Variants in DAB1 observed in about 807,000 individuals in gnomAD.
DAB1 encodes disabled homolog 1.
DAB1 carries 15 observed loss-of-function variants against 64.6 expected under a neutral mutation model. That is an observed-to-expected ratio of 0.23 (90% CI 0.16 to 0.36). DAB1 has a LOEUF of 0.36. Ranked by LOEUF, DAB1 falls within the 10% of genes least tolerant of loss-of-function variation. The probability of loss-of-function intolerance (pLI) is 1.00; values close to 1 mark genes in which losing one functional copy is unlikely to be tolerated. For missense variants in DAB1, 596 were observed against 706.7 expected, an observed-to-expected ratio of 0.84 and a Z score of 1.78; for synonymous variants, 235 against 251.9, an observed-to-expected ratio of 0.93 and a Z score of 0.64.
At chr1:57,899,811 G>A (rs145829165) in intron 5 of DAB1, among the ~76,000 whole-genome samples, 319 of 152,152 alleles carry the variant, frequency 2.1e-3, no homozygotes, top group Non-Finnish European at 4.0e-3. Context: ...CTAGAGGTAC[G>A]TTTACCTCGG....
chr1:58,099,888 G>T (rs2806408), intron 5 of DAB1, among the ~76,000 whole-genome samples: 1,894 of 152,268 alleles, frequency 0.012, 34 homozygotes, highest in African/African-American at 0.043. Flanking sequence ...TTATCATGCT[G>T]CTCTTGCATG....
intron 5 of DAB1, among the ~76,000 whole-genome samples, chr1:57,938,279 G>A (rs1374817639): frequency 1.3e-5 from 2 of 152,200 alleles, no homozygotes; most frequent in South Asian, 2.1e-4. Flanking sequence ...GTGAAATGCA[G>A]TTGCTACTAG....
intron 6 of DAB1, among the ~76,000 whole-genome samples, chr1:57,772,125 A>G (rs758161804): frequency 1.3e-5 from 2 of 152,072 alleles, no homozygotes; most frequent in Non-Finnish European, 2.9e-5. Flanking sequence ...CTTATGATGG[A>G]TTAATGCTAT....
intron 6 of DAB1, among the ~76,000 whole-genome samples, chr1:57,777,838 C>T (rs1649885373): frequency 6.6e-6 from 1 of 152,004 alleles, no homozygotes; most frequent in Non-Finnish European, 1.5e-5. Flanking sequence ...TTTTGTGGGA[C>T]AGGATGTTGA....
chr1:57,689,817 T>C (rs772614179), intron 6 of DAB1, among the ~76,000 whole-genome samples: 4 of 152,190 alleles, frequency 2.6e-5, no homozygotes, highest in African/African-American at 7.2e-5. Flanking sequence ...TTATTGACTA[T>C]AGTCCCCCTG....
intron 1 of DAB1, among the ~76,000 whole-genome samples, chr1:57,415,246 AACACACACAC>A (rs111517848): frequency 1.3e-4 from 18 of 143,328 alleles, no homozygotes; most frequent in African/African-American, 3.3e-4. Context: ...TACCTCACAC[AACACACACAC>A]ACACACACAC....
intron 2 of DAB1, among the ~76,000 whole-genome samples, chr1:57,226,675 ATATATAT>A (rs1557978347): frequency 2.1e-4 from 26 of 125,794 alleles, no homozygotes; most frequent in African/African-American, 8.1e-4. Context: ...AAAAAAAAAT[ATATATAT>A]ATATATATAT....
intron 5 of DAB1, among the ~76,000 whole-genome samples, chr1:57,996,459 A>C (rs891279158): frequency 2.6e-5 from 4 of 152,146 alleles, no homozygotes; most frequent in Non-Finnish European, 5.9e-5. Flanking sequence ...GAGGATCCCA[A>C]ATTTTGGAAA....
chr1:57,220,338 T>C (rs1384872556), intron 2 of DAB1, among the ~76,000 whole-genome samples: 1 of 152,200 alleles, frequency 6.6e-6, no homozygotes, highest in Non-Finnish European at 1.5e-5. Context: ...CGTTTCATCA[T>C]GCAATGTAAA....
At chr1:57,752,826 G>T (rs188444812) in intron 6 of DAB1, among the ~76,000 whole-genome samples, 1 of 152,322 alleles carries the variant, frequency 6.6e-6, no homozygotes, top group Non-Finnish European at 1.5e-5. Context: ...GTTAAATAAA[G>T]TCATCAATGC....
intron 3 of DAB1, among the ~76,000 whole-genome samples, chr1:58,405,479 T>C (rs1362596720): frequency 2.0e-5 from 3 of 152,074 alleles, no homozygotes; most frequent in African/African-American, 7.2e-5. Flanking sequence ...GATCCTCCCA[T>C]CTCAGCCTCC....
chr1:57,412,662 G>C (rs1053842429), intron 1 of DAB1, among the ~76,000 whole-genome samples: 1 of 152,228 alleles, frequency 6.6e-6, no homozygotes, highest in Admixed American at 6.5e-5. Flanking sequence ...TCCTGATTTA[G>C]AGCCCTAACT....
intron 6 of DAB1, among the ~76,000 whole-genome samples, chr1:57,817,133 C>T (rs922426276): frequency 1.3e-5 from 2 of 152,066 alleles, no homozygotes; most frequent in African/African-American, 4.8e-5. Flanking sequence ...AGGTGAAGCA[C>T]TTAAATTGTG....
chr1:57,714,297 C>T (rs1051389617), intron 6 of DAB1, among the ~76,000 whole-genome samples: 1 of 152,130 alleles, frequency 6.6e-6, no homozygotes, highest in Admixed American at 6.6e-5. Flanking sequence ...TGTCACATAG[C>T]TAGTAAATGG....
chr1:57,691,474 C>A (rs920176555), intron 6 of DAB1, among the ~76,000 whole-genome samples: 1 of 152,062 alleles, frequency 6.6e-6, no homozygotes, highest in Non-Finnish European at 1.5e-5. Context: ...CTGCTAAGGT[C>A]CCCTTCCATG....
At chr1:57,536,287 AC>A (rs1319467571) in intron 7 of DAB1, among the ~76,000 whole-genome samples, 1 of 152,170 alleles carries the variant, frequency 6.6e-6, no homozygotes, top group Non-Finnish European at 1.5e-5. Flanking sequence ...TCCATGAAAA[AC>A]TTTGTGAGTC....
At chr1:57,806,442 A>C (rs988367253) in intron 6 of DAB1, among the ~76,000 whole-genome samples, 1 of 152,192 alleles carries the variant, frequency 6.6e-6, no homozygotes, top group Non-Finnish European at 1.5e-5. Flanking sequence ...CTCTGTGAAG[A>C]TGAAGGCAGG....
intron 4 of DAB1, among the ~76,000 whole-genome samples, chr1:58,155,675 C>T (rs775045576): frequency 1.3e-5 from 2 of 152,166 alleles, no homozygotes; most frequent in East Asian, 1.9e-4. Context: ...ATTGCAGGTC[C>T]GGCTATCAGA....
At chr1:57,276,725 C>A (rs922512397) in intron 2 of DAB1, among the ~76,000 whole-genome samples, 4 of 152,292 alleles carry the variant, frequency 2.6e-5, no homozygotes, top group African/African-American at 9.6e-5. Flanking sequence ...ATAAATAAAT[C>A]TGAACCCCAA....
Sources: allele counts gnomAD v4.1 joint callset (sites outside exome capture counted in the v4.1 genomes callset), GRCh38; gene constraint gnomAD v4.1.1; transcripts MANE v1.5; gene names NCBI Gene and HGNC (gene_info 2026-07-23, HGNC 2026-07-21).